Variants in ZNF385D observed in about 807,000 individuals in gnomAD.
ZNF385D encodes zinc finger protein 385D.
Under a neutral mutation model 35.8 loss-of-function variants are expected in ZNF385D, and 15 were observed. The ratio of observed to expected loss-of-function variants is 0.42; its 90% confidence interval spans 0.28 to 0.64. ZNF385D has a LOEUF of 0.64. Ranked by LOEUF, ZNF385D falls within the 30% of genes least tolerant of loss-of-function variation. ZNF385D has a pLI of 0.23. For synonymous variants in ZNF385D, 212 were observed against 186.8 expected, an observed-to-expected ratio of 1.13 and a Z score of -1.10; for missense variants, 474 against 494.6, an observed-to-expected ratio of 0.96 and a Z score of 0.39.
chr3:21,776,888 T>C (rs2071310575), intron 3 of ZNF385D, among the ~76,000 whole-genome samples: 1 of 151,798 alleles, frequency 6.6e-6, no homozygotes, highest in African/African-American at 2.4e-5. Context: ...CACAGATAGG[T>C]TTTAGAGTGA....
chr3:21,483,060 C>T (rs1162549059), intron 4 of ZNF385D, among the ~76,000 whole-genome samples: 1 of 152,082 alleles, frequency 6.6e-6, no homozygotes, highest in East Asian at 1.9e-4. Flanking sequence ...GAAATTTTAT[C>T]ACATGTGTAG....
rs543342213 is a variant in ZNF385D, at chr3:22,306,524, C to G, written c.106+65926G>C. Among the ~76,000 whole-genome samples the G allele has an allele frequency of 5.3e-5, 8 of 152,028 alleles. No individual in the cohort carries two copies. In the South Asian group the frequency reaches 6.2e-4, roughly 12 times the overall value. ...GAACTATGGCTCCATTAAATAACAACCTTCATAATCAAGAGAACAAGACAC... is the reference window on the plus strand; with the variant it reads ...GAACTATGGCTCCATTAAATAACAAGCTTCATAATCAAGAGAACAAGACAC... On this transcript the variant is annotated intron_variant, in intron 2 of 5. Coordinates refer to the ZNF385D transcript ENST00000494108.
At chr3:22,080,310 A>G in intron 3 of ZNF385D, among the ~76,000 whole-genome samples, 1 of 152,162 alleles carries the variant, frequency 6.6e-6, no homozygotes, top group East Asian at 1.9e-4. Context: ...ACTTTAATGC[A>G]TAAATGACAG....
At chr3:21,862,176 A>G (rs1475011045) in intron 3 of ZNF385D, among the ~76,000 whole-genome samples, 8 of 152,130 alleles carry the variant, frequency 5.3e-5, no homozygotes, top group African/African-American at 1.9e-4. Flanking sequence ...TTCTTTTGAT[A>G]AGATATTGTA....
At chr3:21,634,312 G>A (rs570554026) in intron 2 of ZNF385D, among the ~76,000 whole-genome samples, 1 of 147,518 alleles carries the variant, frequency 6.8e-6, no homozygotes, top group East Asian at 2.0e-4. Context: ...GGAAGGGAAG[G>A]GAGAAAGGAA....
At chr3:21,833,082 C>A (rs1284641260) in intron 3 of ZNF385D, among the ~76,000 whole-genome samples, 1 of 152,164 alleles carries the variant, frequency 6.6e-6, no homozygotes, top group African/African-American at 2.4e-5. Flanking sequence ...ATTCATTCAT[C>A]AATCAACGAA....
At chr3:21,839,736 T>TG (rs1237888676) in intron 3 of ZNF385D, among the ~76,000 whole-genome samples, 2 of 152,042 alleles carry the variant, frequency 1.3e-5, no homozygotes, top group African/African-American at 2.4e-5. Flanking sequence ...ATTTCCCAGA[T>TG]GCTGTAGCAG....
chr3:21,632,882 A>G (rs2065321524), intron 2 of ZNF385D, among the ~76,000 whole-genome samples: 1 of 152,162 alleles, frequency 6.6e-6, no homozygotes, highest in Non-Finnish European at 1.5e-5. Context: ...GTCAAATAAC[A>G]TAATGTGAAT....
At chr3:21,789,282 A>G (rs2071824709) in intron 3 of ZNF385D, among the ~76,000 whole-genome samples, 2 of 152,334 alleles carry the variant, frequency 1.3e-5, no homozygotes, top group South Asian at 2.1e-4. Flanking sequence ...ACTGCCTACA[A>G]TGATAAATCA....
chr3:22,185,659 C>A (rs530472555), intron 2 of ZNF385D, among the ~76,000 whole-genome samples: 1 of 151,996 alleles, frequency 6.6e-6, no homozygotes, highest in Non-Finnish European at 1.5e-5. Flanking sequence ...GTAGAGATAG[C>A]GATTCACCAT....
chr3:21,661,836 A>G (rs1039851904), intron 2 of ZNF385D, among the ~76,000 whole-genome samples: 1 of 152,054 alleles, frequency 6.6e-6, no homozygotes, highest in Non-Finnish European at 1.5e-5. Context: ...CCTCCTAACT[A>G]TGCTTACTTT....
chr3:22,043,949 G>A (rs1431437959), intron 3 of ZNF385D, among the ~76,000 whole-genome samples: 1 of 152,134 alleles, frequency 6.6e-6, no homozygotes, highest in Non-Finnish European at 1.5e-5. Context: ...GAAGTCCACA[G>A]TCCAGGCTGG....
chr3:21,547,033 C>A (rs1359709003), intron 3 of ZNF385D, among the ~76,000 whole-genome samples: 1 of 152,126 alleles, frequency 6.6e-6, no homozygotes, highest in Non-Finnish European at 1.5e-5. Context: ...GGTAGCCATT[C>A]ATCTTCTGCC....
intron 3 of ZNF385D, among the ~76,000 whole-genome samples, chr3:22,004,786 A>G (rs1696092142): frequency 6.6e-6 from 1 of 152,102 alleles, no homozygotes; most frequent in Non-Finnish European, 1.5e-5. Context: ...TTATCTACCT[A>G]TTACCTGGAA....
At chr3:21,688,457 G>A (rs937773657) in intron 1 of ZNF385D, among the ~76,000 whole-genome samples, 4 of 151,982 alleles carry the variant, frequency 2.6e-5, no homozygotes, top group Non-Finnish European at 5.9e-5. Context: ...TTTAGGGAAG[G>A]AAAAGATCAT....
intron 3 of ZNF385D, among the ~76,000 whole-genome samples, chr3:22,106,670 G>A (rs897787810): frequency 6.6e-6 from 1 of 152,268 alleles, no homozygotes; most frequent in East Asian, 1.9e-4. Context: ...CTGAAGGCCT[G>A]ACCTCTTACC....
At chr3:21,929,999 T>A in intron 3 of ZNF385D, among the ~76,000 whole-genome samples, 1 of 151,908 alleles carries the variant, frequency 6.6e-6, no homozygotes, top group Middle Eastern at 3.2e-3. Flanking sequence ...CAAAACAATA[T>A]TGGTAACGAA....
At chr3:22,140,764 T>A (rs759601095) in intron 3 of ZNF385D, among the ~76,000 whole-genome samples, 1 of 152,212 alleles carries the variant, frequency 6.6e-6, no homozygotes, top group Non-Finnish European at 1.5e-5. Context: ...GTGGGAAAAT[T>A]TGAATCAATA....
intron 2 of ZNF385D, among the ~76,000 whole-genome samples, chr3:22,247,899 G>C (rs991942490): frequency 2.0e-5 from 3 of 151,956 alleles, no homozygotes; most frequent in Non-Finnish European, 4.4e-5. Flanking sequence ...CACCACGCCC[G>C]GCCTACAATT....
Sources: gnomAD v4.1 joint callset for allele counts (sites outside exome capture counted in the v4.1 genomes callset) on GRCh38, gnomAD v4.1.1 for gene constraint, MANE v1.5 for transcripts, NCBI Gene and HGNC (gene_info 2026-07-23, HGNC 2026-07-21) for gene names.